SYT10: variants seen among roughly 807,000 people sequenced by gnomAD.
SYT10 encodes the protein synaptotagmin-10.
A neutral mutation model predicts 51.1 loss-of-function variants in SYT10; 31 were observed. The observed-to-expected ratio is 0.61, with a 90% CI of 0.46 to 0.82. The LOEUF (loss-of-function observed/expected upper bound fraction) is 0.82, where lower values mean the gene tolerates loss of function less well. Ranked by LOEUF, SYT10 falls within the 40% of genes least tolerant of loss-of-function variation. The pLI, the probability that SYT10 is intolerant of heterozygous loss-of-function variation, is 0.00. For missense variants in SYT10, 603 were observed against 634.0 expected, an observed-to-expected ratio of 0.95 and a Z score of 0.53; for synonymous variants, 233 against 225.9, an observed-to-expected ratio of 1.03 and a Z score of -0.28.
chr12:33,407,334 G>T lies in SYT10; in HGVS notation c.532C>A (p.Leu178Met). The change falls in exon 3 of 7, where the codon CTG becomes ATG. Residue 178 changes from leucine (L) to methionine (M), a missense_variant. Physicochemically the swap from Leu to Met is conservative, Grantham distance 15. Coordinates refer to ENST00000228567, the MANE Select transcript of SYT10 (RefSeq NM_198992.4). ...CTGGAAACCTGCATTTGCCTCGGCA[G>T]GTGTCTTCGGAAGGAACTGTGGCTG... ...STRHSSFRRH[L>M]PRQMQVSSVD... The T allele has an allele frequency of 6.2e-7, 1 of 1,605,856 alleles. No individual in the cohort carries two copies.
rs1478767477 is a variant in SYT10 at position 33,374,497 on chromosome 12, G to A, written c.*2333C>T. ...TGTGTGGGCTGTGTAGAGTGAGGGTGTGTTGTATTAAAATTGTTAGGATTA... is the reference window on the plus strand; with the variant it reads ...TGTGTGGGCTGTGTAGAGTGAGGGTATGTTGTATTAAAATTGTTAGGATTA... On this transcript the variant is annotated 3_prime_UTR_variant, in exon 7 of 7. Coordinates refer to ENST00000228567, the MANE Select transcript of SYT10 (RefSeq NM_198992.4). 6.6e-6 allele frequency: 1 copy of A among 151,330 alleles called. No individual in the cohort carries two copies. The highest frequency in any genetic ancestry group is 1.5e-5 in the Non-Finnish European group (1 of 67,752). The allele number at this position is 151,330 out of a possible 1,614,324, so 9.4% of individuals were successfully genotyped here.
At chr12:33,426,921 A>G (rs1390111866) in intron 1 of SYT10, among the ~76,000 whole-genome samples, 2 of 152,220 alleles carry the variant, frequency 1.3e-5, no homozygotes, top group Non-Finnish European at 2.9e-5. Context: ...GAATCATATT[A>G]AATATTTCTG....
At chr12:33,434,791 G>C (rs1317603269) in intron 1 of SYT10, among the ~76,000 whole-genome samples, 1 of 152,118 alleles carries the variant, frequency 6.6e-6, no homozygotes. Context: ...GGCAACAACA[G>C]TGAACCTCCA....
At position 33,375,337 on chromosome 12, in the gene SYT10, G is replaced by A. The variant is rs1866053410; in HGVS notation, c.*1493C>T. 1 of 151,604 alleles carries A rather than the reference G, an allele frequency of 6.6e-6. No homozygotes were observed. The highest frequency in any genetic ancestry group is 1.5e-5 in the Non-Finnish European group (1 of 67,868). The allele number at this position is 151,604 out of a possible 1,614,324, so 9.4% of individuals were successfully genotyped here. On this transcript the variant is annotated 3_prime_UTR_variant, in exon 7 of 7. Transcript: ENST00000228567. ...CTTTTTTTTAATATTTAGAAATAATGGGATTTTACAAAAATAAAAATTTCA... is the reference window on the plus strand; with the variant it reads ...CTTTTTTTTAATATTTAGAAATAATAGGATTTTACAAAAATAAAAATTTCA...
chr12:33,382,884 G>T (rs1258794737), intron 4 of SYT10, among the ~76,000 whole-genome samples: 2 of 152,160 alleles, frequency 1.3e-5, no homozygotes, highest in South Asian at 4.1e-4. Flanking sequence ...AACTTGGATG[G>T]AAAAAAATGA....
At chr12:33,386,982 A>C (rs1331564411) in intron 3 of SYT10, among the ~76,000 whole-genome samples, 1 of 152,220 alleles carries the variant, frequency 6.6e-6, no homozygotes, top group African/African-American at 2.4e-5. Context: ...GAATGTGGAC[A>C]ATGGACAATT....
At chr12:33,435,652 C>A (rs1278537690) in intron 1 of SYT10, among the ~76,000 whole-genome samples, 1 of 152,042 alleles carries the variant, frequency 6.6e-6, no homozygotes, top group African/African-American at 2.4e-5. Flanking sequence ...ATGTGTAAAA[C>A]CCTGTTATGG....
At chr12:33,388,085 C>T (rs946039299) in intron 3 of SYT10, among the ~76,000 whole-genome samples, 1 of 151,118 alleles carries the variant, frequency 6.6e-6, no homozygotes, top group African/African-American at 2.4e-5. Flanking sequence ...TTAGTGAAGA[C>T]AGCAAGTAAA....
At chr12:33,398,814 C>G (rs1402224856) in intron 3 of SYT10, among the ~76,000 whole-genome samples, 1 of 152,156 alleles carries the variant, frequency 6.6e-6, no homozygotes, top group Admixed American at 6.5e-5. Context: ...TTAGTCCTAA[C>G]AACAAACTAT....
intron 3 of SYT10, among the ~76,000 whole-genome samples, chr12:33,398,771 C>T (rs1289866046): frequency 6.6e-6 from 1 of 152,076 alleles, no homozygotes; most frequent in African/African-American, 2.4e-5. Context: ...GGAACATTTA[C>T]AAATATCTGA....
chr12:33,378,453 G>A (rs1866084540), intron 6 of SYT10, among the ~76,000 whole-genome samples: 1 of 152,168 alleles, frequency 6.6e-6, no homozygotes, highest in Admixed American at 6.5e-5. Flanking sequence ...GAAGCCGGTA[G>A]AGGCATGCAG....
chr12:33,392,493 T>C (rs1866216049), intron 3 of SYT10, among the ~76,000 whole-genome samples: 1 of 152,180 alleles, frequency 6.6e-6, no homozygotes, highest in Non-Finnish European at 1.5e-5. Context: ...TCAGGTTTCA[T>C]TGTGTTCCAT....
In SYT10 at chr12:33,406,844, A is replaced by G; in HGVS notation, c.1022T>C (p.Val341Ala). The G allele has an allele frequency of 2.5e-6, 4 of 1,613,928 alleles. No individual in the cohort carries two copies. In the South Asian group the frequency reaches 4.4e-5, roughly 18 times the overall value. Residue 341 changes from valine (V) to alanine (A), a missense_variant, in exon 3 of 7, where the codon GTC becomes GCC. Val to Ala is a moderately conservative substitution (Grantham distance 64). Transcript: ENST00000228567. ...GEVILDNLFE[V>A]SDLSREATVW... ...TGTGGCTTCCCTGGAGAGATCAGAG[A>G]CTTCAAACAAATTATCAAGAATCAC...
chr12:33,432,114 A>G (rs1187481281), intron 1 of SYT10, among the ~76,000 whole-genome samples: 1 of 152,112 alleles, frequency 6.6e-6, no homozygotes, highest in African/African-American at 2.4e-5. Context: ...TGTCAGAGTG[A>G]TATAAGATTT....
chr12:33,423,679 A>G (rs975493934), intron 2 of SYT10, among the ~76,000 whole-genome samples: 1 of 152,174 alleles, frequency 6.6e-6, no homozygotes, highest in Non-Finnish European at 1.5e-5. Context: ...ATGAACAGGA[A>G]GATGCTGTTA....
At chr12:33,431,217 T>C (rs998215155) in intron 1 of SYT10, among the ~76,000 whole-genome samples, 1 of 152,230 alleles carries the variant, frequency 6.6e-6, no homozygotes, top group Non-Finnish European at 1.5e-5. Context: ...TTTGAAGTTG[T>C]GCACATCATT....
intron 2 of SYT10, among the ~76,000 whole-genome samples, chr12:33,420,447 G>C (rs1433927735): frequency 6.6e-6 from 1 of 151,488 alleles, no homozygotes; most frequent in South Asian, 2.1e-4. Context: ...AGGAATTCAA[G>C]ACCAGCTTAG....
In SYT10 at chr12:33,426,149, C is replaced by T. The variant is rs139230640; in HGVS notation, c.498G>A (p.Thr166=). The change falls in exon 2 of 7, where the codon ACG becomes ACA. Residue 166 remains threonine, a synonymous_variant. Transcript: ENST00000228567. ...ARVQRQITEP[T]SSTRHSSFRR... ...TAATCTTTCCTTACCGGGTTGATGA[C>T]GTAGGCTCAGTAATTTGTCTTTGCA... is the stretch of plus-strand genomic sequence containing the variant. 6.0e-4 allele frequency: 966 copies of T among 1,602,738 alleles called. No homozygotes were observed. The highest frequency in any genetic ancestry group is 7.4e-4 in the Non-Finnish European group (870 of 1,176,696).
Position 33,382,345 on chromosome 12 carries a change from A to G in SYT10, c.1370+4T>C. The G allele has an allele frequency of 1.3e-6, 2 of 1,588,214 alleles. No individual in the cohort carries two copies. The highest frequency in any genetic ancestry group is 1.2e-5 in the South Asian group (1 of 86,618). On this transcript the variant is annotated splice_donor_region_variant and intron_variant, in intron 5 of 6. Coordinates refer to ENST00000228567, the MANE Select transcript of SYT10 (RefSeq NM_198992.4). ...CTCTTCAGTGAGAAGAGAGATACAC[A>G]TACCTATCGTAATCCATGACCGCAA...
Sources: allele counts gnomAD v4.1 joint callset (sites outside exome capture counted in the v4.1 genomes callset), GRCh38; gene constraint gnomAD v4.1.1; transcripts MANE v1.5; gene names NCBI Gene and HGNC (gene_info 2026-07-23, HGNC 2026-07-21).